The following SPINDOC variants were observed in gnomAD, a reference collection of about 807,000 sequenced individuals.
SPINDOC encodes the protein spindlin interactor and repressor of chromatin-binding protein.
Under a neutral mutation model 30.7 loss-of-function variants are expected in SPINDOC, and 13 were observed. That is an observed-to-expected ratio of 0.42 (90% CI 0.28 to 0.67). SPINDOC has a LOEUF of 0.67. Ranked by LOEUF, SPINDOC falls within the 30% of genes least tolerant of loss-of-function variation. SPINDOC has a pLI of 0.22. For synonymous variants in SPINDOC, 228 were observed against 211.4 expected, an observed-to-expected ratio of 1.08 and a Z score of -0.68; for missense variants, 438 against 518.0, an observed-to-expected ratio of 0.85 and a Z score of 1.50.
At chr11:63,822,675 T>C (rs2015560383) in intron 5 of SPINDOC, 9 of 1,288,892 alleles carry the variant, frequency 7.0e-6, no homozygotes, top group Middle Eastern at 2.1e-4. Context: ...TGAGACCGAG[T>C]GTGCTGCTTG....
At chr11:63,826,436 G>A (rs2015656614) in intron 5 of SPINDOC, among the ~76,000 whole-genome samples, 1 of 152,138 alleles carries the variant, frequency 6.6e-6, no homozygotes, top group African/African-American at 2.4e-5. Context: ...AGAGCCTGGT[G>A]GAAGTTCGCC....
chr11:63,817,424 T>C (rs2015370496), intron 1 of SPINDOC, among the ~76,000 whole-genome samples: 1 of 152,160 alleles, frequency 6.6e-6, no homozygotes, highest in African/African-American at 2.4e-5. Context: ...CAGATTTGGA[T>C]GAAATCTATT....
At position 63,818,986 on chromosome 11, in the gene SPINDOC, G is replaced by A. The variant is rs376557647; in HGVS notation, c.918G>A (p.Ala306=). Residue 306 remains alanine, a synonymous_variant, in exon 5 of 6, where the codon GCG becomes GCA. Coordinates refer to ENST00000294244, the MANE Select transcript of SPINDOC (RefSeq NM_138471.3). This position sits in a 1 kb window ranked among gnomAD's most constrained non-coding sequence, Gnocchi z 5.3. ...REVAEGGLPR[A]ESPSPAPPPG... is the part of the protein sequence containing the mutation. ...TGGCAGAAGGAGGCCTTCCCCGGGC[G>A]GAGAGCCCCTCTCCAGGTGAGCCCT... The A allele has an allele frequency of 9.9e-6, 16 of 1,613,602 alleles. No homozygotes were observed. Among genetic ancestry groups the A allele is most frequent in the Admixed American group, 6.7e-5 (4 of 59,984 alleles).
chr11:63,823,249 G>A, intron 5 of SPINDOC: 2 of 1,284,136 alleles, frequency 1.6e-6, no homozygotes, highest in Admixed American at 2.4e-5. Flanking sequence ...CCAAAGCTTG[G>A]ACAGATTTCT....
In SPINDOC at chr11:63,818,062, C is replaced by T; in HGVS notation, c.385C>T (p.Leu129=). The change falls in exon 2 of 6, where the codon CTG becomes TTG. Residue 129 remains leucine (L), a synonymous_variant. Coordinates refer to ENST00000294244, the MANE Select transcript of SPINDOC (RefSeq NM_138471.3). The surrounding 1 kb of genome is among the most constrained non-coding windows in gnomAD (Gnocchi z 5.3). The part of the protein sequence containing the change: ...DLSPSEKSNI[L]EAWSEGVALL... The stretch of plus-strand genomic sequence containing the variant: ...GAGCCCTTCTGAGAAGAGCAATATC[C>T]TGGAGGCCTGGAGTGAAGGGGTGGC... 1.2e-6 allele frequency: 2 copies of T among 1,614,196 alleles called. No individual in the cohort carries two copies. The highest frequency in any genetic ancestry group is 1.3e-5 in the African/African-American group (1 of 75,050).
At position 63,817,791 on chromosome 11, in the gene SPINDOC, C is replaced by T. The variant is rs763893784; in HGVS notation, c.128-14C>T. ...CACCTTTAGTGATAACACCCTCCCC[C>T]TCTCCCCTCGCAGTGACCCAACAGG... is the stretch of plus-strand genomic sequence containing the variant. On this transcript the variant is annotated splice_polypyrimidine_tract_variant and intron_variant, in intron 1 of 5. Coordinates refer to ENST00000294244, the MANE Select transcript of SPINDOC (RefSeq NM_138471.3). The T allele has an allele frequency of 1.4e-5, 22 of 1,544,384 alleles. No individual in the cohort carries two copies. The highest frequency in any genetic ancestry group is 1.4e-4 in the Admixed American group (7 of 50,948).
rs753721935 is a variant in SPINDOC, at chr11:63,818,499, A to G, written c.608-28A>G. On this transcript the variant is annotated intron_variant, in intron 3 of 5. Transcript: ENST00000294244. The surrounding 1 kb of genome is among the most constrained non-coding windows in gnomAD (Gnocchi z 5.3). ...CAGGGTTCGGGGATGGCCTCTTTAA[A>G]AGGGTATGAGGTCTTTTCTTTTTGC... 1 of 1,608,314 alleles carries G rather than the reference A, an allele frequency of 6.2e-7. No individual in the cohort carries two copies. Among genetic ancestry groups the G allele is most frequent in the Admixed American group, 1.7e-5 (1 of 59,134 alleles).
Position 63,818,485 on chromosome 11 carries a change from G to A in SPINDOC, c.608-42G>A. 1 of 1,606,808 alleles carries A rather than the reference G, an allele frequency of 6.2e-7. No individual in the cohort carries two copies. Among genetic ancestry groups the A allele is most frequent in the East Asian group, 2.2e-5 (1 of 44,850 alleles). On this transcript the variant is annotated intron_variant, in intron 3 of 5. Coordinates refer to ENST00000294244, the MANE Select transcript of SPINDOC (RefSeq NM_138471.3). This position sits in a 1 kb window ranked among gnomAD's most constrained non-coding sequence, Gnocchi z 5.3. ...GAGCCCTGGGGTGGCAGGGTTCGGG[G>A]ATGGCCTCTTTAAAAGGGTATGAGG... is the stretch of plus-strand genomic sequence containing the variant.
chr11:63,819,535 C>T (rs1226360289), intron 5 of SPINDOC, among the ~76,000 whole-genome samples: 3 of 148,166 alleles, frequency 2.0e-5, no homozygotes, highest in African/African-American at 2.5e-5. Context: ...CTTGCTCTGT[C>T]GCCCAGGCTG....
chr11:63,819,736 A>G (rs1362487609), intron 5 of SPINDOC, among the ~76,000 whole-genome samples: 1 of 152,160 alleles, frequency 6.6e-6, no homozygotes, highest in Admixed American at 6.5e-5. Context: ...ACCTCAGGTG[A>G]TCCACCTGCC....
Position 63,827,102 on chromosome 11 carries a change from C to A in SPINDOC, c.1109C>A (p.Thr370Asn), listed in dbSNP as rs2015673213. The change falls in exon 6 of 6, where the codon ACT becomes AAT. Residue 370 changes from threonine to asparagine, a missense_variant. Physicochemically the swap from Thr to Asn is moderately conservative, Grantham distance 65. Coordinates refer to ENST00000294244, the MANE Select transcript of SPINDOC (RefSeq NM_138471.3). ...ACAGTTCTGTCAGAATCCAGCACCA[C>A]TGTGGCAGGGAAGCCGGAAAAAGGG... ...WPTVLSESST[T>N]VAGKPEKGNG... The A allele has an allele frequency of 6.7e-7, 1 of 1,499,872 alleles. No individual in the cohort carries two copies. The highest frequency in any genetic ancestry group is 9.0e-7 in the Non-Finnish European group (1 of 1,108,690). The allele number at this position is 1,499,872 out of a possible 1,614,324, so 92.9% of individuals were successfully genotyped here.
At position 63,818,805 on chromosome 11, in the gene SPINDOC, C is replaced by T; in HGVS notation, c.737C>T (p.Pro246Leu). 1 of 1,613,752 alleles carries T rather than the reference C, an allele frequency of 6.2e-7. No homozygotes were observed. The highest frequency in any genetic ancestry group is 8.5e-7 in the Non-Finnish European group (1 of 1,180,028). Reference protein sequence around the residue: ...MTKNLDPDPEPPSPDSPTETF... With the variant: ...MTKNLDPDPELPSPDSPTETF... ...TCCATCCCGTCCTCCCTTCCAGAGCCCCCATCGCCAGACTCGCCCACGGAG... is the reference window on the plus strand; with the variant it reads ...TCCATCCCGTCCTCCCTTCCAGAGCTCCCATCGCCAGACTCGCCCACGGAG... Residue 246 changes from proline to leucine, a missense_variant, in exon 5 of 6, where the codon CCC becomes CTC. By Grantham distance (98) the Pro-to-Leu change is moderately conservative. This residue lies in a region of SPINDOC where 300 missense variants were observed against 332.8 expected (regional missense o/e 0.90). Coordinates refer to ENST00000294244, the MANE Select transcript of SPINDOC (RefSeq NM_138471.3). This position sits in a 1 kb window ranked among gnomAD's most constrained non-coding sequence, Gnocchi z 5.3.
chr11:63,821,299 C>T (rs113965529), intron 5 of SPINDOC, among the ~76,000 whole-genome samples: 1,632 of 152,250 alleles, frequency 0.011, 14 homozygotes, highest in Non-Finnish European at 0.016. Flanking sequence ...TCCTGGGTTC[C>T]GGCTCATCTG....
At chr11:63,819,057 G>A in intron 5 of SPINDOC, 55 bp downstream of exon 5, 1 of 1,274,680 alleles carries the variant, frequency 7.8e-7, no homozygotes, top group East Asian at 4.7e-5. Flanking sequence ...GCGCTCCTGG[G>A]CCAGGCCTCA....
At chr11:63,825,056 G>C (rs2015621312) in intron 5 of SPINDOC, among the ~76,000 whole-genome samples, 1 of 152,324 alleles carries the variant, frequency 6.6e-6, no homozygotes, top group South Asian at 2.1e-4. Flanking sequence ...ACCTAAGCCA[G>C]GTCTCCTGGC....
chr11:63,827,111 G>A lies in SPINDOC; in HGVS notation c.1118G>A (p.Gly373Glu). 4 of 1,614,070 alleles carry A rather than the reference G, an allele frequency of 2.5e-6. No homozygotes were observed. Among genetic ancestry groups the A allele is most frequent in the Non-Finnish European group, 3.4e-6 (4 of 1,179,934 alleles). The change falls in exon 6 of 6, where the codon GGG (glycine) becomes GAG (glutamate). Residue 373 changes from glycine to glutamate, a missense_variant. Around this residue, in one of 3 missense-constraint regions of SPINDOC, gnomAD observed 300 missense variants for 332.8 expected, o/e 0.90. Coordinates refer to ENST00000294244, the MANE Select transcript of SPINDOC (RefSeq NM_138471.3). Reference protein sequence around the residue: ...VLSESSTTVAGKPEKGNGV With the variant: ...VLSESSTTVAEKPEKGNGV Reference sequence around the variant, plus strand: ...TCAGAATCCAGCACCACTGTGGCAGGGAAGCCGGAAAAAGGGAATGGAGTG... The same window carrying A: ...TCAGAATCCAGCACCACTGTGGCAGAGAAGCCGGAAAAAGGGAATGGAGTG...
At position 63,819,017 on chromosome 11, in the gene SPINDOC, G is replaced by A. The variant is rs1474055913; in HGVS notation, c.934+15G>A. 1.3e-6 allele frequency: 2 copies of A among 1,576,202 alleles called. No homozygotes were observed. The highest frequency in any genetic ancestry group is 1.1e-5 in the South Asian group (1 of 90,698). On this transcript the variant is annotated intron_variant, in intron 5 of 5. Transcript: ENST00000294244. ...CCCCTCTCCAGGTGAGCCCTCCTGAGAGGGAAGCACAGTAGGGACCTCGCA... is the reference window on the plus strand; with the variant it reads ...CCCCTCTCCAGGTGAGCCCTCCTGAAAGGGAAGCACAGTAGGGACCTCGCA...
At position 63,818,928 on chromosome 11, in the gene SPINDOC, C is replaced by T. The variant is rs1275262598; in HGVS notation, c.860C>T (p.Pro287Leu). 1.4e-5 allele frequency: 22 copies of T among 1,614,186 alleles called. No individual in the cohort carries two copies. Among genetic ancestry groups the T allele is most frequent in the Non-Finnish European group, 1.9e-5 (22 of 1,180,046 alleles). ...TTCTCCCACACCCAGCTCAGGGGCC[C>T]AGACAGCAAGGACTCACCCAAAGAC... ...QLFSHTQLRGPDSKDSPKDRE... is the reference protein window; with the variant it reads ...QLFSHTQLRGLDSKDSPKDRE... The change falls in exon 5 of 6, where the codon CCA becomes CTA. Residue 287 changes from proline to leucine, a missense_variant. Transcript: ENST00000294244. The surrounding 1 kb of genome is among the most constrained non-coding windows in gnomAD (Gnocchi z 5.3).
Position 63,818,444 on chromosome 11 carries a change from G to T in SPINDOC, c.607+79G>T. On this transcript the variant is annotated intron_variant, in intron 3 of 5. Transcript: ENST00000294244. The surrounding 1 kb of genome is among the most constrained non-coding windows in gnomAD (Gnocchi z 5.3). The stretch of plus-strand genomic sequence containing the variant: ...GGGTGAAATACAGGCCCTGTGTTCT[G>T]GGCAGGTATCTTCAGGAGCCCTGGG... 1 of 1,604,810 alleles carries T rather than the reference G, an allele frequency of 6.2e-7. No individual in the cohort carries two copies.
Sources: allele counts gnomAD v4.1 joint callset (sites outside exome capture counted in the v4.1 genomes callset), GRCh38; gene constraint gnomAD v4.1.1; regional missense constraint gnomAD v4.1.1; non-coding constraint Gnocchi (gnomAD v3.1); transcripts MANE v1.5; gene names NCBI Gene and HGNC (gene_info 2026-07-23, HGNC 2026-07-21).